NAALADL2: variants seen among roughly 807,000 people sequenced by gnomAD.
The protein encoded by NAALADL2 is N-acetylated alpha-linked acidic dipeptidase like 2, also known as inactive N-acetylated-alpha-linked acidic dipeptidase-like protein 2.
A neutral mutation model predicts 87.2 loss-of-function variants in NAALADL2; 76 were observed. The observed-to-expected ratio is 0.87, with a 90% CI of 0.72 to 1.05. The LOEUF (loss-of-function observed/expected upper bound fraction) is 1.05. NAALADL2 is among the 50% of genes least tolerant of loss of function. The probability of loss-of-function intolerance (pLI) is 0.00; values close to 1 mark genes in which losing one functional copy is unlikely to be tolerated. For missense variants in NAALADL2, 1,089 were observed against 945.8 expected, an observed-to-expected ratio of 1.15 and a Z score of -1.99; for synonymous variants, 354 against 331.0, an observed-to-expected ratio of 1.07 and a Z score of -0.75.
At chr3:174,477,972 A>G (rs1473232135) in intron 1 of NAALADL2, among the ~76,000 whole-genome samples, 1 of 152,222 alleles carries the variant, frequency 6.6e-6, no homozygotes, top group East Asian at 1.9e-4. Flanking sequence ...GGTTGTATCC[A>G]TGAAGGAAGA....
At chr3:174,843,653 ACAACAATGTGTAAGTGTTCCCTTTCTCC>A in intron 3 of NAALADL2, among the ~76,000 whole-genome samples, 2 of 152,116 alleles carry the variant, frequency 1.3e-5, no homozygotes, top group South Asian at 4.1e-4. Flanking sequence ...TGTAATCCCA[ACAACAATGTGTAAGTGTTCCCTTTCTCC>A]ATATCCTGTC....
At chr3:174,877,162 G>T (rs1351820175) in intron 1 of NAALADL2, among the ~76,000 whole-genome samples, 1 of 151,586 alleles carries the variant, frequency 6.6e-6, no homozygotes, top group Non-Finnish European at 1.5e-5. Flanking sequence ...ATGCATTTTG[G>T]GGGGAGACAA....
chr3:175,760,737 C>T (rs1747891885), intron 13 of NAALADL2, among the ~76,000 whole-genome samples: 2 of 152,138 alleles, frequency 1.3e-5, no homozygotes, highest in Non-Finnish European at 2.9e-5. Flanking sequence ...GAGAGGAGAT[C>T]TCTGGGCATC....
chr3:174,942,689 C>T (rs573629562), intron 1 of NAALADL2, among the ~76,000 whole-genome samples: 13 of 152,246 alleles, frequency 8.5e-5, no homozygotes, highest in Admixed American at 8.5e-4. Flanking sequence ...TATATTTAGC[C>T]TCTTTACATA....
chr3:175,517,961 G>A (rs145691047), intron 9 of NAALADL2, among the ~76,000 whole-genome samples: 4 of 152,110 alleles, frequency 2.6e-5, no homozygotes, highest in African/African-American at 9.7e-5. Context: ...TTATGGAAAT[G>A]GGCTTTCCAC....
intron 2 of NAALADL2, among the ~76,000 whole-genome samples, chr3:175,202,741 G>A (rs764485466): frequency 3.3e-5 from 5 of 152,010 alleles, no homozygotes; most frequent in East Asian, 3.9e-4. Flanking sequence ...CCATCAGGTC[G>A]GGCTGGGCTA....
chr3:175,420,392 T>C (rs1225415860), intron 5 of NAALADL2, among the ~76,000 whole-genome samples: 1 of 151,990 alleles, frequency 6.6e-6, no homozygotes, highest in Non-Finnish European at 1.5e-5. Context: ...TTTTGAATGA[T>C]TACAACTTTG....
chr3:175,546,124 G>T (rs1015720477), intron 9 of NAALADL2, among the ~76,000 whole-genome samples: 27 of 152,076 alleles, frequency 1.8e-4, no homozygotes, highest in African/African-American at 6.0e-4. Flanking sequence ...TGAGCATTGT[G>T]TTCACAGGAT....
intron 1 of NAALADL2, among the ~76,000 whole-genome samples, chr3:174,502,993 A>T (rs1036591612): frequency 2.0e-5 from 3 of 151,220 alleles, no homozygotes; most frequent in Non-Finnish European, 4.4e-5. Flanking sequence ...ACGCCACTGC[A>T]CTCCATCCTG....
intron 10 of NAALADL2, among the ~76,000 whole-genome samples, chr3:175,602,868 A>G (rs766069104): frequency 2.6e-5 from 4 of 152,112 alleles, no homozygotes; most frequent in African/African-American, 4.8e-5. Context: ...AATACAAATA[A>G]TCGTAGCCCT....
chr3:174,453,482 T>G (rs34407464), intron 1 of NAALADL2, among the ~76,000 whole-genome samples: 2,703 of 152,050 alleles, frequency 0.018, 55 homozygotes, highest in African/African-American at 0.045. Context: ...TTCTCCAAGG[T>G]CAAAATGAAA....
rs1422032811 is a variant in NAALADL2, at chr3:175,085,004, TG to T, written c.44-11784del. ...AGACTCCAAGGGCGCTATACACTGA[TG>T]GAGCCTATGGGAAAAGGTCATACTA... is the stretch of plus-strand genomic sequence containing the variant. On this transcript the variant is annotated intron_variant, in intron 1 of 13. Transcript: ENST00000454872. 2.0e-5 allele frequency among the ~76,000 whole-genome samples: 3 copies of T among 152,304 alleles called. No individual in the cohort carries two copies. In the East Asian group the frequency reaches 5.8e-4, roughly 29 times the overall value.
At chr3:174,899,830 A>G (rs1732088484) in intron 1 of NAALADL2, among the ~76,000 whole-genome samples, 1 of 152,168 alleles carries the variant, frequency 6.6e-6, no homozygotes, top group South Asian at 2.1e-4. Flanking sequence ...TAAAATCAGC[A>G]AAATGCAAAA....
chr3:175,253,151 A>G (rs1581131551), intron 3 of NAALADL2, among the ~76,000 whole-genome samples: 1 of 152,352 alleles, frequency 6.6e-6, no homozygotes, highest in East Asian at 1.9e-4. Context: ...ATACATTCAT[A>G]GCTAGAGAGA....
At chr3:175,500,140 A>G (rs1356499834) in intron 9 of NAALADL2, among the ~76,000 whole-genome samples, 3 of 152,028 alleles carry the variant, frequency 2.0e-5, no homozygotes, top group Non-Finnish European at 4.4e-5. Flanking sequence ...GAATTATTCT[A>G]CCTCCTAGAA....
intron 1 of NAALADL2, among the ~76,000 whole-genome samples, chr3:174,908,081 G>C (rs4894690): frequency 8.9e-6 from 1 of 112,184 alleles, no homozygotes; most frequent in Non-Finnish European, 1.9e-5. Flanking sequence ...TCTCCCACTT[G>C]ATTTTACAAG....
intron 9 of NAALADL2, among the ~76,000 whole-genome samples, chr3:175,500,092 C>G (rs1440545470): frequency 6.6e-6 from 1 of 152,064 alleles, no homozygotes; most frequent in South Asian, 2.1e-4. Flanking sequence ...CTACCCCATG[C>G]ATGACCCTCT....
chr3:174,641,850 G>A (rs1028997191), intron 2 of NAALADL2, among the ~76,000 whole-genome samples: 1 of 152,046 alleles, frequency 6.6e-6, no homozygotes, highest in Non-Finnish European at 1.5e-5. Context: ...TCAACCTCCC[G>A]GGCTCAAGTG....
intron 3 of NAALADL2, among the ~76,000 whole-genome samples, chr3:174,764,020 A>G (rs756093475): frequency 4.6e-5 from 7 of 152,174 alleles, no homozygotes; most frequent in Non-Finnish European, 8.8e-5. Context: ...GACTGAAATC[A>G]TATAGGTCAA....
Sources: gnomAD v4.1 joint callset for allele counts (sites outside exome capture counted in the v4.1 genomes callset) on GRCh38, gnomAD v4.1.1 for gene constraint, MANE v1.5 for transcripts, NCBI Gene and HGNC (gene_info 2026-07-23, HGNC 2026-07-21) for gene names.